Variants in TENM1 observed in about 807,000 individuals in gnomAD.
TENM1 encodes the protein teneurin transmembrane protein 1, also known as teneurin-1.
A neutral mutation model predicts 174.8 loss-of-function variants in TENM1; 35 were observed. That is an observed-to-expected ratio of 0.20 (90% CI 0.15 to 0.27). The LOEUF is 0.27. Among genes scored for constraint, TENM1 ranks in the 10% least tolerant of loss-of-function variants. The pLI, the probability that TENM1 is intolerant of heterozygous loss-of-function variation, is 1.00. For missense variants in TENM1, 1,633 were observed against 2,130.1 expected, an observed-to-expected ratio of 0.77 and a Z score of 4.59; for synonymous variants, 781 against 798.7, an observed-to-expected ratio of 0.98 and a Z score of 0.37.
chrX:124,806,996 G>T, intron 3 of TENM1, among the ~76,000 whole-genome samples: 1 of 111,179 alleles, frequency 9.0e-6, no homozygotes. Context: ...ATCTGCTTCT[G>T]GTGAGGGCCT....
At chrX:124,542,145 C>A (rs1187589783) in intron 15 of TENM1, among the ~76,000 whole-genome samples, 2 of 111,632 alleles carry the variant, frequency 1.8e-5, no homozygotes, top group Non-Finnish European at 3.8e-5. Context: ...CAGAGATAAG[C>A]CATGCTAGCC....
At chrX:124,843,737 T>A (rs1001333422) in intron 3 of TENM1, among the ~76,000 whole-genome samples, 4 of 111,673 alleles carry the variant, frequency 3.6e-5, no homozygotes, top group Admixed American at 2.9e-4. Flanking sequence ...CTTGTTTGTG[T>A]TCTTCTTCAT....
chrX:124,707,592 C>G (rs1182299380), intron 4 of TENM1, among the ~76,000 whole-genome samples: 2 of 111,472 alleles, frequency 1.8e-5, no homozygotes, highest in Admixed American at 1.9e-4. Context: ...TACTAAATCA[C>G]GCAACCCACC....
chrX:124,897,339 T>A (rs902271937), intron 1 of TENM1, among the ~76,000 whole-genome samples: 2 of 111,607 alleles, frequency 1.8e-5, no homozygotes, highest in African/African-American at 6.5e-5. Context: ...CATACAGGAT[T>A]TTCTCAGACT....
At chrX:125,002,332 T>A in the TENM1 span, among the ~76,000 whole-genome samples, 1 of 111,561 alleles carries the variant, frequency 9.0e-6, no homozygotes, top group Non-Finnish European at 1.9e-5. Context: ...AGGAGCTCCA[T>A]AAGTATGTTT....
At chrX:124,661,891 A>G (rs910801050) in intron 6 of TENM1, among the ~76,000 whole-genome samples, 3 of 111,419 alleles carry the variant, frequency 2.7e-5, no homozygotes, top group Non-Finnish European at 5.6e-5. Flanking sequence ...AACTTCTCAC[A>G]GACAAAACCC....
At chrX:124,543,051 A>G (rs1005587865) in intron 15 of TENM1, among the ~76,000 whole-genome samples, 1 of 112,299 alleles carries the variant, frequency 8.9e-6, no homozygotes, top group Admixed American at 9.4e-5. Flanking sequence ...GAAATCACAA[A>G]CTCAAATGCC....
chrX:125,147,106 A>G, the TENM1 span, among the ~76,000 whole-genome samples: 1 of 107,653 alleles, frequency 9.3e-6, no homozygotes, highest in Non-Finnish European at 1.9e-5. Flanking sequence ...TATCTAATTT[A>G]TATATATCTT....
chrX:124,863,058 C>T (rs2056941970), intron 3 of TENM1, among the ~76,000 whole-genome samples: 1 of 107,380 alleles, frequency 9.3e-6, no homozygotes, highest in Admixed American at 1.0e-4. Flanking sequence ...AAGGAAAGCA[C>T]CCAGTCCTGC....
intron 3 of TENM1, among the ~76,000 whole-genome samples, chrX:124,882,640 T>C (rs750742467): frequency 1.4e-3 from 155 of 112,547 alleles, no homozygotes; most frequent in African/African-American, 4.6e-3. Flanking sequence ...GACATTTTTG[T>C]CTATTTTTAG....
the TENM1 span, among the ~76,000 whole-genome samples, chrX:125,061,794 C>T: frequency 9.0e-6 from 1 of 111,507 alleles, no homozygotes. Flanking sequence ...ATCTCAGCTA[C>T]TTGGGAGACT....
At chrX:124,452,033 A>C (rs1255662375) in intron 23 of TENM1, among the ~76,000 whole-genome samples, 3 of 112,376 alleles carry the variant, frequency 2.7e-5, no homozygotes, top group Non-Finnish European at 3.8e-5. Context: ...GGATCTAATT[A>C]AACTAAAGAG....
At chrX:124,385,911 C>G (rs971728284) in exon 29 of TENM1, 3 of 1,208,580 alleles carry the variant, frequency 2.5e-6, no homozygotes, top group African/African-American at 1.8e-5. Context: ...GTGCTACTGT[C>G]CGGTGGGGTG....
intron 3 of TENM1, among the ~76,000 whole-genome samples, chrX:124,802,708 G>A (rs1458361678): frequency 8.9e-6 from 1 of 112,003 alleles, no homozygotes; most frequent in Non-Finnish European, 1.9e-5. Flanking sequence ...TTCGATGGGA[G>A]CCTCTGATTG....
chrX:124,620,375 A>C (rs1448632131), intron 11 of TENM1, among the ~76,000 whole-genome samples: 1 of 111,715 alleles, frequency 9.0e-6, no homozygotes, highest in Admixed American at 9.6e-5. Flanking sequence ...AAGAAGGAAA[A>C]AAAAATCTCC....
intron 11 of TENM1, among the ~76,000 whole-genome samples, chrX:124,589,487 G>C (rs2049673844): frequency 9.1e-6 from 1 of 110,486 alleles, no homozygotes; most frequent in Non-Finnish European, 1.9e-5. Flanking sequence ...AGTTTCAGTA[G>C]AATTGGTACC....
the TENM1 span, among the ~76,000 whole-genome samples, chrX:125,131,443 T>A: frequency 1.8e-5 from 2 of 111,980 alleles, no homozygotes; most frequent in African/African-American, 6.5e-5. Context: ...TACCCAGAAC[T>A]TAAAAGTGCC....
chrX:124,664,252 A>C (rs892225911), intron 6 of TENM1, among the ~76,000 whole-genome samples: 4 of 111,237 alleles, frequency 3.6e-5, no homozygotes, highest in Admixed American at 1.9e-4. Flanking sequence ...GGTTGACTCA[A>C]AGGGCTGCTG....
the TENM1 span, among the ~76,000 whole-genome samples, chrX:125,184,260 TA>T: frequency 1.8e-5 from 2 of 112,189 alleles, no homozygotes; most frequent in Admixed American, 1.9e-4. Flanking sequence ...TCCACACATT[TA>T]AACTTTCCTA....
Sources: gnomAD v4.1 joint callset for allele counts (sites outside exome capture counted in the v4.1 genomes callset) on GRCh38, gnomAD v4.1.1 for gene constraint, MANE v1.5 for transcripts, NCBI Gene and HGNC (gene_info 2026-07-23, HGNC 2026-07-21) for gene names.